Variants in KCNH5 observed in about 807,000 individuals in gnomAD.
KCNH5 encodes the protein voltage-gated delayed rectifier potassium channel KCNH5.
KCNH5 carries 46 observed loss-of-function variants against 96.1 expected under a neutral mutation model. The observed-to-expected ratio is 0.48, with a 90% CI of 0.38 to 0.61. The LOEUF is 0.61. Among genes scored for constraint, KCNH5 ranks in the 20% least tolerant of loss-of-function variants. The probability of loss-of-function intolerance (pLI) is 0.00; values close to 1 mark genes in which losing one functional copy is unlikely to be tolerated. For missense variants in KCNH5, 907 were observed against 1,225.8 expected (o/e 0.74, Z 3.88); for synonymous variants, 439 against 449.8 (o/e 0.98, Z 0.30).
chr14:62,838,102 C>T (rs943435505), intron 8 of KCNH5, among the ~76,000 whole-genome samples: 1 of 152,186 alleles, frequency 6.6e-6, no homozygotes, highest in Non-Finnish European at 1.5e-5. Flanking sequence ...CCAAAAATCA[C>T]TAATATTTCT....
At chr14:62,910,941 A>ACACACACACACACACACACAC (rs61033705) in intron 7 of KCNH5, among the ~76,000 whole-genome samples, 2 of 140,784 alleles carry the variant, frequency 1.4e-5, no homozygotes, top group African/African-American at 5.3e-5. Flanking sequence ...ACACACACAC[A>ACACACACACACACACACACAC]CCCCTCTGTT....
rs1335763731 is a variant in KCNH5 at position 63,016,885 on chromosome 14, C to G, written c.143G>C (p.Cys48Ser). The change falls in exon 2 of 11, where the codon TGT becomes TCT. Residue 48 changes from cysteine (C) to serine (S), a missense_variant. Coordinates refer to ENST00000322893, the MANE Select transcript of KCNH5 (RefSeq NM_139318.5). ...WPVVYSNDGF[C>S]KLSGYHRADV... ...AGCTCGATGATATCCAGAGAGTTTACAAAAACCGTCATTACTATAAACTAC... is the reference window on the plus strand; with the variant it reads ...AGCTCGATGATATCCAGAGAGTTTAGAAAAACCGTCATTACTATAAACTAC... 1 of 1,611,108 alleles carries G rather than the reference C, an allele frequency of 6.2e-7. No homozygotes were observed. The highest frequency in any genetic ancestry group is 1.7e-5 in the Admixed American group (1 of 59,740).
intron 10 of KCNH5, among the ~76,000 whole-genome samples, chr14:62,719,882 T>C (rs906423849): frequency 6.6e-6 from 1 of 152,230 alleles, no homozygotes; most frequent in African/African-American, 2.4e-5. Context: ...AGTGCTGAGA[T>C]GCAGCACATA....
intron 7 of KCNH5, among the ~76,000 whole-genome samples, chr14:62,914,251 G>T (rs1253310006): frequency 6.6e-6 from 1 of 152,168 alleles, no homozygotes; most frequent in Non-Finnish European, 1.5e-5. Flanking sequence ...GCCTAATGTA[G>T]TCTGAGATAG....
At chr14:62,938,391 TGAAAATATTAAACAAGTAGGTAA>T (rs1302428877) in intron 7 of KCNH5, among the ~76,000 whole-genome samples, 3 of 152,144 alleles carry the variant, frequency 2.0e-5, no homozygotes, top group Non-Finnish European at 4.4e-5. Context: ...TCACAACATA[TGAAAATATTAAACAAGTAGGTAA>T]GAAGAAGTCA....
intron 7 of KCNH5, among the ~76,000 whole-genome samples, chr14:62,943,474 T>C (rs539201622): frequency 2.0e-5 from 3 of 152,260 alleles, no homozygotes; most frequent in African/African-American, 4.8e-5. Context: ...AATAATAAGA[T>C]TATGTAAATA....
At chr14:62,939,245 G>C (rs2140121944) in intron 7 of KCNH5, among the ~76,000 whole-genome samples, 1 of 152,230 alleles carries the variant, frequency 6.6e-6, no homozygotes, top group East Asian at 1.9e-4. Flanking sequence ...TCCTTCCAGA[G>C]TCATGCTTCC....
chr14:63,012,423 A>G (rs1891246219), intron 2 of KCNH5, among the ~76,000 whole-genome samples: 1 of 152,218 alleles, frequency 6.6e-6, no homozygotes, highest in East Asian at 1.9e-4. Context: ...ATTATGACAT[A>G]GCAAAAATGT....
intron 9 of KCNH5, among the ~76,000 whole-genome samples, chr14:62,782,875 C>T (rs1049482055): frequency 6.6e-6 from 1 of 152,044 alleles, no homozygotes; most frequent in Non-Finnish European, 1.5e-5. Flanking sequence ...GCTATAGAAA[C>T]TCTACCTCCT....
At chr14:63,033,089 C>A (rs1365605588) in intron 1 of KCNH5, among the ~76,000 whole-genome samples, 1 of 152,196 alleles carries the variant, frequency 6.6e-6, no homozygotes, top group Non-Finnish European at 1.5e-5. Flanking sequence ...CCAGGCCAGA[C>A]CACCATCATA....
At chr14:62,769,101 G>A (rs17100353) in intron 10 of KCNH5, among the ~76,000 whole-genome samples, 4,225 of 152,332 alleles carry the variant, frequency 0.028, 154 homozygotes, top group East Asian at 0.091. Context: ...TTGAAAAACT[G>A]AGGCTGCAGG....
chr14:62,893,450 T>C (rs1443187117), intron 7 of KCNH5, among the ~76,000 whole-genome samples: 1 of 152,144 alleles, frequency 6.6e-6, no homozygotes, highest in Admixed American at 6.6e-5. Flanking sequence ...AATGATAACA[T>C]AAGATTTAGA....
At chr14:62,929,269 G>C (rs1387155426) in intron 7 of KCNH5, among the ~76,000 whole-genome samples, 1 of 151,852 alleles carries the variant, frequency 6.6e-6, no homozygotes, top group Non-Finnish European at 1.5e-5. Context: ...CCAGAGTCTC[G>C]CCACTTCCTG....
chr14:62,942,390 G>A (rs1889806051), intron 7 of KCNH5, among the ~76,000 whole-genome samples: 1 of 152,170 alleles, frequency 6.6e-6, no homozygotes, highest in Admixed American at 6.6e-5. Flanking sequence ...CCCAATTTCT[G>A]GATCTTACCA....
chr14:63,027,052 C>T (rs906469556), intron 1 of KCNH5, among the ~76,000 whole-genome samples: 1 of 151,992 alleles, frequency 6.6e-6, no homozygotes, highest in Non-Finnish European at 1.5e-5. Flanking sequence ...TTTGTGACAA[C>T]ATGGATGAAC....
At chr14:62,709,790 A>G (rs899400698) in intron 10 of KCNH5, among the ~76,000 whole-genome samples, 10 of 152,248 alleles carry the variant, frequency 6.6e-5, no homozygotes, top group African/African-American at 1.7e-4. Context: ...AGTAAAGTTA[A>G]TAAGTGTGAG....
intron 10 of KCNH5, among the ~76,000 whole-genome samples, chr14:62,739,612 T>C (rs1885229386): frequency 6.6e-6 from 1 of 152,126 alleles, no homozygotes; most frequent in South Asian, 2.1e-4. Flanking sequence ...ACTTTTGATA[T>C]GGAGTTCAGT....
At chr14:62,899,783 G>T (rs959815024) in intron 7 of KCNH5, among the ~76,000 whole-genome samples, 1 of 149,706 alleles carries the variant, frequency 6.7e-6, no homozygotes, top group Non-Finnish European at 1.5e-5. Flanking sequence ...GCAGTGAGCC[G>T]AGATCCCGCC....
chr14:62,874,200 G>A (rs1158173311), intron 7 of KCNH5, among the ~76,000 whole-genome samples: 2 of 151,958 alleles, frequency 1.3e-5, no homozygotes, highest in Non-Finnish European at 2.9e-5. Context: ...ATAATAAAAG[G>A]AATGTAGCAT....
Sources: allele counts gnomAD v4.1 joint callset (sites outside exome capture counted in the v4.1 genomes callset), GRCh38; gene constraint gnomAD v4.1.1; transcripts MANE v1.5; gene names NCBI Gene and HGNC (gene_info 2026-07-23, HGNC 2026-07-21).